Variants in GAPVD1 observed in about 807,000 individuals in gnomAD.
GAPVD1 encodes GTPase activating protein and VPS9 domains 1.
A neutral mutation model predicts 155.5 loss-of-function variants in GAPVD1; 35 were observed. The observed-to-expected ratio is 0.23, with a 90% CI of 0.17 to 0.30. GAPVD1 has a LOEUF of 0.30. GAPVD1 is among the 10% of genes least tolerant of loss of function. GAPVD1 has a pLI of 1.00. For synonymous variants in GAPVD1, 636 were observed against 619.7 expected, an observed-to-expected ratio of 1.03 and a Z score of -0.39; for missense variants, 1,429 against 1,775.7, an observed-to-expected ratio of 0.80 and a Z score of 3.51.
intron 12 of GAPVD1, among the ~76,000 whole-genome samples, chr9:125,329,605 C>G (rs1845778037): frequency 6.8e-6 from 1 of 148,036 alleles, no homozygotes; most frequent in Non-Finnish European, 1.5e-5. Flanking sequence ...ACTTTGGCCT[C>G]TTTCTTGTAG....
At chr9:125,276,376 A>G (rs1835787344) in intron 2 of GAPVD1, among the ~76,000 whole-genome samples, 1 of 152,152 alleles carries the variant, frequency 6.6e-6, no homozygotes, top group African/African-American at 2.4e-5. Context: ...CTCATTTAAT[A>G]TTTACTGCCT....
At chr9:125,287,324 G>A (rs78057059) in intron 2 of GAPVD1, among the ~76,000 whole-genome samples, 1,962 of 152,216 alleles carry the variant, frequency 0.013, 101 homozygotes, top group East Asian at 0.088. Context: ...GATCACTTGA[G>A]CTCAGGAGTT....
In GAPVD1 at chr9:125,322,285, C is replaced by T. The variant is rs557606069; in HGVS notation, c.1732+723C>T. ...TTCACCGTGTTAGCCAGGATGGTCT[C>T]GATCTCCTGACCTCGTGATCCGCCC... On this transcript the variant is annotated intron_variant, in intron 10 of 27. Transcript: ENST00000297933. 2.6e-4 allele frequency among the ~76,000 whole-genome samples: 39 copies of T among 152,110 alleles called. 1 individual carries two copies. The South Asian group carries it at 7.0e-3, about 27-fold the overall frequency.
chr9:125,279,764 CT>C (rs761676874), intron 2 of GAPVD1, among the ~76,000 whole-genome samples: 258 of 141,312 alleles, frequency 1.8e-3, no homozygotes, highest in Admixed American at 5.0e-3. Context: ...TATTCAGTGA[CT>C]TTTTTTTTTT....
intron 6 of GAPVD1, 57 bp from the exon 7 acceptor site, chr9:125,307,356 A>T: frequency 7.8e-7 from 1 of 1,284,932 alleles, no homozygotes; most frequent in Non-Finnish European, 1.1e-6. Context: ...TTAATGAGAA[A>T]TTTCGTTCCA....
chr9:125,297,400 G>T (rs996204688), intron 3 of GAPVD1, among the ~76,000 whole-genome samples: 29 of 152,118 alleles, frequency 1.9e-4, no homozygotes, highest in African/African-American at 7.0e-4. Context: ...GCCAGAAGAG[G>T]GATTAGGAAG....
chr9:125,273,989 T>G (rs1588552107), intron 2 of GAPVD1, among the ~76,000 whole-genome samples: 1 of 151,402 alleles, frequency 6.6e-6, no homozygotes, highest in South Asian at 2.1e-4. Context: ...TTATTTTTAT[T>G]TATTTATTAT....
intron 21 of GAPVD1, among the ~76,000 whole-genome samples, 153 bp from the exon 22 acceptor site, chr9:125,350,142 G>A (rs1230876565): frequency 6.6e-6 from 1 of 152,184 alleles, no homozygotes; most frequent in South Asian, 2.1e-4. Context: ...TAGAAAGCCT[G>A]TTCTTTTAAG....
chr9:125,314,303 A>G (rs1337822140), intron 9 of GAPVD1, among the ~76,000 whole-genome samples: 1 of 152,148 alleles, frequency 6.6e-6, no homozygotes, highest in Non-Finnish European at 1.5e-5. Context: ...TAAGAAATGG[A>G]GTTTGAGGCT....
chr9:125,311,539 T>C (rs942712768), intron 8 of GAPVD1, among the ~76,000 whole-genome samples: 1 of 152,144 alleles, frequency 6.6e-6, no homozygotes, highest in Non-Finnish European at 1.5e-5. Context: ...GAGAATTGCT[T>C]GAACCCAGGA....
intron 9 of GAPVD1, among the ~76,000 whole-genome samples, chr9:125,313,664 C>T (rs138288203): frequency 3.9e-5 from 6 of 152,094 alleles, no homozygotes; most frequent in East Asian, 1.9e-4. Context: ...TGCAATGGTG[C>T]GATCTTTGCT....
rs1402241493 is a variant in GAPVD1, at chr9:125,360,544, C to A, written c.4061C>A (p.Ala1354Glu). ...CTCACTTAGGTTTATCTTCGAGAAG[C>A]ACCATGGCCATCTGCACAATCAGAA... is the stretch of plus-strand genomic sequence containing the variant. ...LQIPEVYLRE[A>E]PWPSAQSEIR... is the part of the protein sequence containing the mutation. The change falls in exon 27 of 28, where the codon GCA (alanine) becomes GAA (glutamate). Residue 1354 changes from alanine (A) to glutamate (E), a missense_variant. Coordinates refer to ENST00000297933, the MANE Select transcript of GAPVD1 (RefSeq NM_001282680.3). 1 of 1,613,626 alleles carries A rather than the reference C, an allele frequency of 6.2e-7. No individual in the cohort carries two copies. Among genetic ancestry groups the A allele is most frequent in the Non-Finnish European group, 8.5e-7 (1 of 1,179,724 alleles).
At chr9:125,268,492 A>G (rs1023797365) in intron 1 of GAPVD1, among the ~76,000 whole-genome samples, 5 of 108,182 alleles carry the variant, frequency 4.6e-5, no homozygotes, top group East Asian at 2.5e-4. Flanking sequence ...TACCCCTAAC[A>G]TTGTTTTTTT....
rs192219808 is a variant in GAPVD1 at position 125,332,642 on chromosome 9, A to G, written c.2428+13A>G. The G allele has an allele frequency of 1.6e-4, 262 of 1,602,840 alleles. 1 individual carries two copies. Among genetic ancestry groups the G allele is most frequent in the Non-Finnish European group, 2.2e-4 (254 of 1,175,494 alleles). ...GAAATAACTCACGGTAAGAGGGGGA[A>G]ATGAGGATGACTTAAAAAATGACCA... On this transcript the variant is annotated intron_variant, in intron 15 of 27. Coordinates refer to ENST00000297933, the MANE Select transcript of GAPVD1 (RefSeq NM_001282680.3).
chr9:125,280,180 T>G (rs1836527680), intron 2 of GAPVD1, among the ~76,000 whole-genome samples: 1 of 151,268 alleles, frequency 6.6e-6, no homozygotes, highest in Non-Finnish European at 1.5e-5. Context: ...GTGGCTCACC[T>G]GAGGTCAGGA....
intron 9 of GAPVD1, among the ~76,000 whole-genome samples, chr9:125,319,934 A>T (rs1193228416): frequency 6.6e-6 from 1 of 152,214 alleles, no homozygotes; most frequent in African/African-American, 2.4e-5. Flanking sequence ...GTGTAAATGT[A>T]TAAAACCATT....
intron 11 of GAPVD1, among the ~76,000 whole-genome samples, chr9:125,326,101 A>G (rs1015337018): frequency 5.9e-5 from 9 of 152,246 alleles, no homozygotes; most frequent in Admixed American, 4.6e-4. Flanking sequence ...AGGCCATTGC[A>G]TAAGTGGAGG....
intron 1 of GAPVD1, among the ~76,000 whole-genome samples, chr9:125,264,429 A>G (rs1457091575): frequency 1.3e-5 from 2 of 152,102 alleles, no homozygotes; most frequent in African/African-American, 4.8e-5. Context: ...TCCTGACCTC[A>G]GGTGATCTGC....
chr9:125,288,498 C>G (rs544960912), intron 2 of GAPVD1, among the ~76,000 whole-genome samples: 1 of 152,188 alleles, frequency 6.6e-6, no homozygotes, highest in East Asian at 1.9e-4. Flanking sequence ...TTATTTCTAC[C>G]TTTTGTTTTG....
Sources: gnomAD v4.1 joint callset for allele counts (sites outside exome capture counted in the v4.1 genomes callset) on GRCh38, gnomAD v4.1.1 for gene constraint, MANE v1.5 for transcripts, NCBI Gene and HGNC (gene_info 2026-07-23, HGNC 2026-07-21) for gene names.